YIF1B: variants seen among roughly 807,000 people sequenced by gnomAD.
YIF1B encodes the protein protein YIF1B.
YIF1B carries 24 observed loss-of-function variants against 34.6 expected under a neutral mutation model. The ratio of observed to expected loss-of-function variants is 0.69; its 90% CI spans 0.50 to 0.98. The LOEUF (loss-of-function observed/expected upper bound fraction) is 0.98. Among genes scored for constraint, YIF1B ranks in the 50% least tolerant of loss-of-function variants. YIF1B has a pLI of 0.00. For missense variants in YIF1B, 368 were observed against 429.4 expected (o/e 0.86, Z 1.26); for synonymous variants, 186 against 184.8 (o/e 1.01, Z -0.05).
upstream of YIF1B, among the ~76,000 whole-genome samples, chr19:38,320,550 T>C (rs568323317): frequency 5.3e-5 from 8 of 151,740 alleles, no homozygotes; most frequent in South Asian, 1.7e-3. Flanking sequence ...CTCGGTCTTT[T>C]TTTTTTTTCT....
At chr19:38,314,681 T>C (rs893512565) in intron 1 of YIF1B, among the ~76,000 whole-genome samples, 12 of 142,678 alleles carry the variant, frequency 8.4e-5, no homozygotes, top group African/African-American at 2.8e-4. Flanking sequence ...TGGTGCAATC[T>C]CGCCTCAGTG....
upstream of YIF1B, chr19:38,319,851 C>T (rs770503017): frequency 5.9e-6 from 7 of 1,177,246 alleles, no homozygotes; most frequent in Non-Finnish European, 6.6e-6. Flanking sequence ...TGCTGCCGCG[C>T]CTGTAGCACT....
At chr19:38,319,469 A>G (rs1456908482), upstream of YIF1B, among the ~76,000 whole-genome samples, 1 of 152,136 alleles carries the variant, frequency 6.6e-6, no homozygotes. Context: ...GAGGCTCACA[A>G]CTTGGCGAAT....
At position 38,304,759 on chromosome 19, in the gene YIF1B, C is replaced by G; in HGVS notation, c.*593G>C. On this transcript the variant is annotated 3_prime_UTR_variant, in exon 8 of 8. Coordinates refer to ENST00000339413, the MANE Select transcript of YIF1B (RefSeq NM_001039672.3). ...AGAGGCGTCCCCGCACTGGGGCTGG[C>G]GGGGAGGGTGCGGGGAGTGGTCCCC... The G allele has an allele frequency of 4.3e-6, 7 of 1,611,308 alleles. No individual in the cohort carries two copies. The highest frequency in any genetic ancestry group is 1.7e-5 in the Admixed American group (1 of 59,984).
At chr19:38,310,567 T>C (rs2146307545) in intron 1 of YIF1B, among the ~76,000 whole-genome samples, 1 of 152,188 alleles carries the variant, frequency 6.6e-6, no homozygotes, top group East Asian at 1.9e-4. Context: ...ATGATGATGA[T>C]TATCTCAAAA....
In YIF1B at chr19:38,305,492, G is replaced by T; in HGVS notation, c.805C>A (p.Leu269Met). Residue 269 changes from leucine (L) to methionine (M), a missense_variant, in exon 8 of 8, where the codon CTG (leucine) becomes ATG (methionine). Leu to Met is a conservative substitution (Grantham distance 15). Around this residue, in one of 3 missense-constraint regions of YIF1B, gnomAD observed 208 missense variants for 247.8 expected, o/e 0.84. Coordinates refer to ENST00000339413, the MANE Select transcript of YIF1B (RefSeq NM_001039672.3). ...IFVFMIRTLR[L>M]KILADAAAEG... ...GCTGCTGCGTCTGCCAAGATCTTCAGCCGCAGCGTCCGGATCTGGGTGGGA... is the reference window on the plus strand; with the variant it reads ...GCTGCTGCGTCTGCCAAGATCTTCATCCGCAGCGTCCGGATCTGGGTGGGA... 1 of 1,605,468 alleles carries T rather than the reference G, an allele frequency of 6.2e-7. No individual in the cohort carries two copies. Among genetic ancestry groups the T allele is most frequent in the Non-Finnish European group, 8.5e-7 (1 of 1,174,192 alleles).
At chr19:38,308,746 G>A in intron 5 of YIF1B, 46 bp downstream of exon 5, 2 of 1,611,644 alleles carry the variant, frequency 1.2e-6, no homozygotes, top group Non-Finnish European at 1.7e-6. Flanking sequence ...CCAACCATGG[G>A]CCTCCCAAAC....
rs1376640703 is a variant in YIF1B, at chr19:38,309,636, C to A, written c.66G>T (p.Lys22Asn). ...GTPRLRKWPS[K>N]RRIPVSQPGM... ...CCGGCTGGGACACAGGGATCCTCCG[C>A]TTCGAGGCTGCAAGGGAAGAGAGTG... Residue 22 changes from lysine (K) to asparagine (N), a missense_variant, in exon 2 of 8, where the codon AAG becomes AAT. This residue lies in a region of YIF1B where 153 missense variants were observed against 156.7 expected (regional missense o/e 0.98). Transcript: ENST00000339413. 1 of 1,598,674 alleles carries A rather than the reference C, an allele frequency of 6.3e-7. No homozygotes were observed. The highest frequency in any genetic ancestry group is 8.5e-7 in the Non-Finnish European group (1 of 1,174,126).
rs1215061371 is a variant in YIF1B, at chr19:38,307,716, T to C, written c.576A>G (p.Ser192=). Residue 192 remains serine (S), a synonymous_variant, in exon 6 of 8, where the codon TCA becomes TCG. Transcript: ENST00000339413. ...SPDLLGLQAS[S]ALAWLTLEVL... ...CCTCCAGGGTCAGCCAGGCCAGGGC[T>C]GAGCTCGCTTGCAGCCCCAGGAGGT... The C allele has an allele frequency of 1.2e-6, 2 of 1,613,208 alleles. No individual in the cohort carries two copies. The highest frequency in any genetic ancestry group is 3.3e-5 in the Admixed American group (2 of 60,012).
Position 38,303,843 on chromosome 19 carries a change from G to C in YIF1B, c.*1509C>G, listed in dbSNP as rs1275129057. Among the ~76,000 whole-genome samples, 1 of 152,228 alleles carries C rather than the reference G, an allele frequency of 6.6e-6. No homozygotes were observed. ...ACCAAGCCGGAGGGGCTGTGGGAGC[G>C]AGTTAGAACACGGGACGCCCCTGGC... On this transcript the variant is annotated 3_prime_UTR_variant, in exon 8 of 8. Coordinates refer to ENST00000339413, the MANE Select transcript of YIF1B (RefSeq NM_001039672.3).
intron 7 of YIF1B, among the ~76,000 whole-genome samples, chr19:38,305,740 T>G (rs1157004219): frequency 6.6e-6 from 1 of 152,136 alleles, no homozygotes; most frequent in Non-Finnish European, 1.5e-5. Context: ...CTGAGAAGGT[T>G]CCATACTCAA....
At chr19:38,315,536 G>C in intron 1 of YIF1B, 2 of 1,458,470 alleles carry the variant, frequency 1.4e-6, no homozygotes, top group Non-Finnish European at 1.8e-6. Context: ...CTGTCCTAAG[G>C]GTGTGGGCGA....
chr19:38,305,067 C>A lies in YIF1B; in HGVS notation c.*285G>T. 1 of 1,520,552 alleles carries A rather than the reference C, an allele frequency of 6.6e-7. No homozygotes were observed. Among genetic ancestry groups the A allele is most frequent in the Non-Finnish European group, 8.8e-7 (1 of 1,131,252 alleles). 94.2% of individuals were successfully genotyped at this position (1,520,552 alleles called of 1,614,324 possible). A position where few individuals can be genotyped will look rare whatever the true frequency, so the allele number is the denominator to read the frequency against. ...CCCCAGCTCCCTGCCCCCTGCCCAG[C>A]GCTGGGCCCGCCCATTCGTGCGCGA... On this transcript the variant is annotated 3_prime_UTR_variant, in exon 8 of 8. Transcript: ENST00000339413.
upstream of YIF1B, among the ~76,000 whole-genome samples, chr19:38,316,514 C>G (rs558770302): frequency 1.3e-5 from 2 of 152,134 alleles, no homozygotes; most frequent in South Asian, 4.2e-4. Context: ...AAATATCGAG[C>G]GAAAAGGTCG....
Position 38,309,843 on chromosome 19 carries a change from T to A in YIF1B, c.59-200A>T. On this transcript the variant is annotated intron_variant, in intron 1 of 7. Coordinates refer to ENST00000339413, the MANE Select transcript of YIF1B (RefSeq NM_001039672.3). Reference sequence around the variant, plus strand: ...ACCAACCCACCCATCTAGCCAACTATCCATCCACTGATACATTCATCTATG... The same window carrying A: ...ACCAACCCACCCATCTAGCCAACTAACCATCCACTGATACATTCATCTATG... 5 of 1,427,756 alleles carry A rather than the reference T, an allele frequency of 3.5e-6. No individual in the cohort carries two copies. The South Asian group carries it at 6.0e-5, about 17-fold the overall frequency. The allele number at this position is 1,427,756 out of a possible 1,614,324, so 88.4% of individuals were successfully genotyped here. A position where few individuals can be genotyped will look rare whatever the true frequency, so the allele number is the denominator to read the frequency against.
chr19:38,304,544 G>A lies in YIF1B; in HGVS notation c.*808C>T, dbSNP rs753978518. 4 of 1,588,208 alleles carry A rather than the reference G, an allele frequency of 2.5e-6. No individual in the cohort carries two copies. Among genetic ancestry groups the A allele is most frequent in the South Asian group, 1.1e-5 (1 of 88,724 alleles). ...GGGCGGGAAGGCTGGGGTTGCCCCT[G>A]ACCCCAGGGTCCTGCCTTAGGCCTC... On this transcript the variant is annotated 3_prime_UTR_variant, in exon 8 of 8. Coordinates refer to ENST00000339413, the MANE Select transcript of YIF1B (RefSeq NM_001039672.3).
intron 1 of YIF1B, among the ~76,000 whole-genome samples, chr19:38,314,694 ACCTCTG>A (rs1969473557): frequency 7.1e-6 from 1 of 141,004 alleles, no homozygotes; most frequent in South Asian, 2.3e-4. Context: ...CCTCAGTGCA[ACCTCTG>A]CCTCCTGGGT....
chr19:38,316,881 G>A (rs151226519), upstream of YIF1B, among the ~76,000 whole-genome samples: 923 of 152,048 alleles, frequency 6.1e-3, 13 homozygotes, highest in African/African-American at 0.021. Context: ...GGCTGGTCTC[G>A]AATTCCTGGG....
upstream of YIF1B, chr19:38,320,272 G>C (rs762143495): frequency 6.9e-6 from 11 of 1,605,400 alleles, no homozygotes; most frequent in Non-Finnish European, 6.8e-6. Context: ...CACCACCGTG[G>C]GTACGTAAGC....
Sources: allele counts gnomAD v4.1 joint callset (sites outside exome capture counted in the v4.1 genomes callset), GRCh38; gene constraint gnomAD v4.1.1; regional missense constraint gnomAD v4.1.1; transcripts MANE v1.5; gene names NCBI Gene and HGNC (gene_info 2026-07-23, HGNC 2026-07-21).